The following ABCA12 variants were observed in gnomAD, a reference collection of about 807,000 sequenced individuals.
ABCA12 encodes the protein ATP binding cassette subfamily A member 12.
Under a neutral mutation model 293.5 loss-of-function variants are expected in ABCA12, and 156 were observed. The ratio of observed to expected loss-of-function variants is 0.53; its 90% confidence interval spans 0.47 to 0.61. The LOEUF is 0.61. Ranked by LOEUF, ABCA12 falls within the 20% of genes least tolerant of loss-of-function variation. ABCA12 has a pLI of 0.00. For missense variants in ABCA12, 2,797 were observed against 3,090.2 expected (o/e 0.91, Z 2.25); for synonymous variants, 1,063 against 1,108.0 (o/e 0.96, Z 0.81).
rs35532740 is a variant in ABCA12 at position 215,112,333 on chromosome 2, A to ATTTTT, written c.70-648_70-644dup. Among the ~76,000 whole-genome samples, 283 of 126,676 alleles carry ATTTTT rather than the reference A, an allele frequency of 2.2e-3. 4 individuals are homozygous for ATTTTT. Among genetic ancestry groups the ATTTTT allele is most frequent in the African/African-American group, 7.4e-3 (255 of 34,302 alleles). The allele number at this position is 126,676 out of a possible 152,430, so 83.1% of individuals were successfully genotyped here. The stretch of plus-strand genomic sequence containing the variant: ...AGAACTTACACCGTTATAGTCAATG[A>ATTTTT]TTTTTTTTTTTTTTTTTTGCCCAGT... On this transcript the variant is annotated intron_variant, in intron 1 of 52. Coordinates refer to ENST00000272895, the MANE Select transcript of ABCA12 (RefSeq NM_173076.3).
intron 43 of ABCA12, among the ~76,000 whole-genome samples, chr2:214,954,572 T>G (rs982595311): frequency 1.3e-5 from 2 of 152,200 alleles, no homozygotes; most frequent in African/African-American, 4.8e-5. Context: ...ATAGCTCATT[T>G]TCACATTATT....
chr2:215,107,949 C>T (rs889567491), intron 2 of ABCA12, among the ~76,000 whole-genome samples: 1 of 152,182 alleles, frequency 6.6e-6, no homozygotes, highest in African/African-American at 2.4e-5. Flanking sequence ...TCTGGCCTTG[C>T]TCTTGCTGCT....
Position 214,932,025 on chromosome 2 carries a change from C to T in ABCA12, c.*609G>A, listed in dbSNP as rs1334897936. On this transcript the variant is annotated 3_prime_UTR_variant, in exon 53 of 53. Transcript: ENST00000272895. ...GGTAAATTGCCCTCTCTATTGCAGT[C>T]CTTATGGAAAGGCACTTTTTTTCGG... 6.4e-6 allele frequency: 1 copy of T among 156,132 alleles called. No homozygotes were observed. The highest frequency in any genetic ancestry group is 1.4e-5 in the Non-Finnish European group (1 of 70,778). 9.7% of individuals were successfully genotyped at this position (156,132 alleles called of 1,614,324 possible).
At chr2:214,936,580 A>G (rs1698225764) in intron 51 of ABCA12, among the ~76,000 whole-genome samples, 2 of 152,208 alleles carry the variant, frequency 1.3e-5, no homozygotes, top group Admixed American at 6.5e-5. Context: ...TGTCAAGTAC[A>G]TTTATTTTAA....
At chr2:214,967,883 G>A (rs534329438) in intron 38 of ABCA12, among the ~76,000 whole-genome samples, 2 of 152,214 alleles carry the variant, frequency 1.3e-5, no homozygotes, top group South Asian at 2.1e-4. Context: ...AATATGTGTA[G>A]ACAATTTTAA....
intron 1 of ABCA12, among the ~76,000 whole-genome samples, chr2:215,130,946 TA>T: frequency 1.3e-5 from 2 of 152,118 alleles, no homozygotes; most frequent in East Asian, 3.9e-4. Context: ...GTTTTTTTTT[TA>T]ATCACGAAAG....
At chr2:214,981,945 A>T (rs868514803) in intron 30 of ABCA12, among the ~76,000 whole-genome samples, 7 of 107,924 alleles carry the variant, frequency 6.5e-5, no homozygotes, top group South Asian at 5.9e-4. Flanking sequence ...AGCTGTTTTT[A>T]TTATTATTAT....
intron 47 of ABCA12, chr2:214,948,081 AT>A: frequency 5.6e-6 from 1 of 180,022 alleles, no homozygotes; most frequent in East Asian, 1.4e-4. Context: ...TCCTAGTTGA[AT>A]TTAAACAACA....
chr2:214,992,510 A>G (rs1272961296), intron 23 of ABCA12, among the ~76,000 whole-genome samples: 1 of 131,316 alleles, frequency 7.6e-6, no homozygotes, highest in Non-Finnish European at 1.6e-5. Flanking sequence ...CTATCAACCT[A>G]GTATCCCCCC....
intron 2 of ABCA12, among the ~76,000 whole-genome samples, chr2:215,104,626 A>T (rs928108500): frequency 2.0e-5 from 3 of 152,252 alleles, no homozygotes; most frequent in Non-Finnish European, 4.4e-5. Flanking sequence ...GTGAAGGGTC[A>T]GTAATGTTTC....
intron 4 of ABCA12, 95 bp from the exon 5 acceptor site, chr2:215,052,679 T>C: frequency 1.9e-6 from 2 of 1,041,568 alleles, no homozygotes; most frequent in Non-Finnish European, 3.0e-6. Flanking sequence ...TGTGACCTCA[T>C]ATACCCTACA....
At chr2:214,987,874 T>C in intron 26 of ABCA12, 81 bp from the exon 27 acceptor site, 3 of 1,533,724 alleles carry the variant, frequency 2.0e-6, no homozygotes, top group Non-Finnish European at 2.7e-6. Flanking sequence ...GTAGATCCTA[T>C]GTATGGTTTA....
intron 14 of ABCA12, among the ~76,000 whole-genome samples, chr2:215,016,599 A>AG (rs1700509916): frequency 1.4e-5 from 2 of 145,816 alleles, no homozygotes; most frequent in South Asian, 2.2e-4. Flanking sequence ...AAAAAAAAAA[A>AG]AAAAAAAAAA....
chr2:215,134,091 T>C (rs1317947188), intron 1 of ABCA12, among the ~76,000 whole-genome samples: 1 of 151,930 alleles, frequency 6.6e-6, no homozygotes, highest in Non-Finnish European at 1.5e-5. Context: ...CCAAGAATAA[T>C]TTTGAGGGAA....
At chr2:215,065,071 G>A (rs1328780044) in intron 2 of ABCA12, among the ~76,000 whole-genome samples, 1 of 151,672 alleles carries the variant, frequency 6.6e-6, no homozygotes, top group African/African-American at 2.4e-5. Context: ...TTCATAGTGA[G>A]GGGTTTTGTA....
Position 215,019,959 on chromosome 2 carries a change from G to A in ABCA12, c.1288-163C>T, listed in dbSNP as rs187502043. Among the ~76,000 whole-genome samples the A allele has an allele frequency of 9.9e-5, 15 of 152,186 alleles. 1 individual carries two copies. Among genetic ancestry groups the A allele is most frequent in the East Asian group, 5.8e-4 (3 of 5,174 alleles). On this transcript the variant is annotated intron_variant, in intron 11 of 52. Transcript: ENST00000272895. ...GTTAGTTTTATTATGAAGTACTACCGTCTGTCATTTGAGTTTATTGTTCTC... is the reference window on the plus strand; with the variant it reads ...GTTAGTTTTATTATGAAGTACTACCATCTGTCATTTGAGTTTATTGTTCTC...
chr2:214,942,988 C>A lies in ABCA12; in HGVS notation c.7373G>T (p.Arg2458Met), dbSNP rs751398668. The A allele has an allele frequency of 1.9e-6, 3 of 1,613,288 alleles. No homozygotes were observed. The highest frequency in any genetic ancestry group is 2.5e-6 in the Non-Finnish European group (3 of 1,179,814). The change falls in exon 50 of 53, where the codon AGG (arginine) becomes ATG (methionine). Residue 2458 changes from arginine to methionine, a missense_variant. Physicochemically the swap from Arg to Met is moderately conservative, Grantham distance 91 (BLOSUM62 -1). Coordinates refer to ENST00000272895, the MANE Select transcript of ABCA12 (RefSeq NM_173076.3). ...CTTTCCATTCACCATAATGGCCAAC[C>A]TGGTACAGAGAGCTTCACATTCTTC... ...SMEECEALCT[R>M]LAIMVNGKFQ...
intron 1 of ABCA12, among the ~76,000 whole-genome samples, chr2:215,129,508 G>C (rs1315317255): frequency 6.6e-6 from 1 of 152,118 alleles, no homozygotes; most frequent in Non-Finnish European, 1.5e-5. Flanking sequence ...TCATGTGTTG[G>C]TTGACCACTT....
At chr2:214,966,794 T>C in intron 39 of ABCA12, 54 bp downstream of exon 39, 1 of 1,538,756 alleles carries the variant, frequency 6.5e-7, no homozygotes, top group Non-Finnish European at 9.0e-7. Flanking sequence ...TGCATTTTTA[T>C]ACAAAGAGTA....
Sources: allele counts gnomAD v4.1 joint callset (sites outside exome capture counted in the v4.1 genomes callset), GRCh38; gene constraint gnomAD v4.1.1; transcripts MANE v1.5; gene names NCBI Gene and HGNC (gene_info 2026-07-23, HGNC 2026-07-21).